The following PCTP variants were observed in gnomAD, a reference collection of about 807,000 sequenced individuals.
The protein encoded by PCTP is START domain-containing protein 2.
Under a neutral mutation model 31.0 loss-of-function variants are expected in PCTP, and 27 were observed. That is an observed-to-expected ratio of 0.87 (90% CI 0.64 to 1.20). The LOEUF (loss-of-function observed/expected upper bound fraction) is 1.20, where lower values mean the gene tolerates loss of function less well. PCTP is among the 50% of genes most tolerant of loss of function. The pLI is 0.00. For synonymous variants in PCTP, 108 were observed against 101.2 expected (o/e 1.07, Z -0.40); for missense variants, 287 against 268.2 (o/e 1.07, Z -0.49).
chr17:55,791,885 A>C (rs1449211681), intron 3 of PCTP, among the ~76,000 whole-genome samples: 1 of 152,136 alleles, frequency 6.6e-6, no homozygotes, highest in African/African-American at 2.4e-5. Flanking sequence ...TATTCACAAT[A>C]GCAAAGACTT....
chr17:55,849,023 G>A, the PCTP span, among the ~76,000 whole-genome samples: 1 of 152,058 alleles, frequency 6.6e-6, no homozygotes, highest in Non-Finnish European at 1.5e-5. Context: ...ATGTGAAGAA[G>A]CTAGAAAATA....
At chr17:55,805,192 AT>A (rs2145034463) in intron 3 of PCTP, among the ~76,000 whole-genome samples, 1 of 151,988 alleles carries the variant, frequency 6.6e-6, no homozygotes, top group East Asian at 1.9e-4. Context: ...TTATCAAACT[AT>A]TTTCCTCGTT....
At chr17:55,754,833 C>G (rs1056804937) in intron 1 of PCTP, among the ~76,000 whole-genome samples, 1 of 152,126 alleles carries the variant, frequency 6.6e-6, no homozygotes, top group African/African-American at 2.4e-5. Flanking sequence ...GGATAGAAAC[C>G]TGTGTGCGCG....
At chr17:55,751,925 G>T (rs1255593348) in intron 1 of PCTP, among the ~76,000 whole-genome samples, 1 of 152,258 alleles carries the variant, frequency 6.6e-6, no homozygotes, top group Admixed American at 6.5e-5. Context: ...CAGTTGCTTT[G>T]TGTAATAGTC....
intron 5 of PCTP, 67 bp from the exon 6 acceptor site, chr17:55,775,968 C>T (rs1465121598): frequency 1.9e-6 from 3 of 1,587,946 alleles, no homozygotes; most frequent in African/African-American, 1.4e-5. Flanking sequence ...TACCTTCTGC[C>T]ACATCCCAAA....
intron 2 of PCTP, among the ~76,000 whole-genome samples, chr17:55,782,472 C>T (rs1403101950): frequency 6.6e-6 from 1 of 152,138 alleles, no homozygotes; most frequent in East Asian, 1.9e-4. Context: ...ACAGCTTAGT[C>T]TTTGATGAGA....
At chr17:55,827,988 G>A (rs919074156), downstream of PCTP, among the ~76,000 whole-genome samples, 12 of 152,132 alleles carry the variant, frequency 7.9e-5, no homozygotes, top group African/African-American at 2.9e-4. Context: ...TGCTATTTGC[G>A]TTCAAGGGTG....
At chr17:55,798,197 A>G (rs972100631) in intron 3 of PCTP, among the ~76,000 whole-genome samples, 1 of 152,058 alleles carries the variant, frequency 6.6e-6, no homozygotes, top group Non-Finnish European at 1.5e-5. Flanking sequence ...AGAAGAATAG[A>G]AAATGTAGAA....
At chr17:55,829,533 C>A (rs1368283865) in intron 5 of PCTP, among the ~76,000 whole-genome samples, 1 of 152,160 alleles carries the variant, frequency 6.6e-6, no homozygotes, top group African/African-American at 2.4e-5. Flanking sequence ...TGATCTCAAA[C>A]TCCTCACCTC....
At chr17:55,788,991 AGCCTGGCACCTACTG>A (rs1048892388) in intron 3 of PCTP, among the ~76,000 whole-genome samples, 16 of 152,178 alleles carry the variant, frequency 1.1e-4, no homozygotes, top group Admixed American at 7.2e-4. Context: ...TCAAATTTTG[AGCCTGGCACCTACTG>A]GCTTCCTGCC....
At chr17:55,784,685 G>A (rs1193832741) in intron 2 of PCTP, among the ~76,000 whole-genome samples, 1 of 152,116 alleles carries the variant, frequency 6.6e-6, no homozygotes, top group Admixed American at 6.5e-5. Context: ...CAAATAAAAA[G>A]TAAATCCAAT....
intron 5 of PCTP, chr17:55,775,272 T>C: frequency 8.1e-7 from 1 of 1,235,670 alleles, no homozygotes; most frequent in Non-Finnish European, 1.0e-6. Context: ...TCCACTTTTG[T>C]TGTTGTTGCC....
intron 3 of PCTP, among the ~76,000 whole-genome samples, chr17:55,797,091 C>G (rs8077069): frequency 0.16 from 24,421 of 151,826 alleles, 4,703 homozygotes; most frequent in African/African-American, 0.46. Flanking sequence ...AAGAATATTT[C>G]CAATTTGAGA....
chr17:55,823,855 G>T (rs1905309723), downstream of PCTP, among the ~76,000 whole-genome samples: 1 of 152,212 alleles, frequency 6.6e-6, no homozygotes, highest in Non-Finnish European at 1.5e-5. Flanking sequence ...ATGCTCCACA[G>T]CTTCAGGCAC....
chr17:55,836,790 A>G (rs947197566), intron 5 of PCTP, among the ~76,000 whole-genome samples: 1 of 152,220 alleles, frequency 6.6e-6, no homozygotes. Context: ...GACTACATCA[A>G]TAAGAAATAA....
At chr17:55,832,073 TCAAA>T (rs985127493) in intron 5 of PCTP, among the ~76,000 whole-genome samples, 6 of 152,020 alleles carry the variant, frequency 3.9e-5, no homozygotes, top group Admixed American at 1.3e-4. Flanking sequence ...AGACTCCATC[TCAAA>T]CAAACAAACA....
chr17:55,804,219 T>A (rs1034237433), intron 3 of PCTP, among the ~76,000 whole-genome samples: 4 of 152,136 alleles, frequency 2.6e-5, no homozygotes, highest in Non-Finnish European at 5.9e-5. Context: ...AAACAACAGA[T>A]GCTGGAGGGG....
At chr17:55,831,290 T>C (rs888134724) in intron 5 of PCTP, among the ~76,000 whole-genome samples, 5 of 152,242 alleles carry the variant, frequency 3.3e-5, no homozygotes, top group Admixed American at 1.3e-4. Context: ...GGAGAGCTTA[T>C]TAGCTTGCTC....
intron 3 of PCTP, among the ~76,000 whole-genome samples, chr17:55,771,467 G>T (rs548498387): frequency 6.6e-5 from 10 of 152,276 alleles, no homozygotes; most frequent in Admixed American, 2.0e-4. Context: ...AAATTGTCAG[G>T]CCACAGAATT....
Sources: allele counts gnomAD v4.1 joint callset (sites outside exome capture counted in the v4.1 genomes callset), GRCh38; gene constraint gnomAD v4.1.1; transcripts MANE v1.5; gene names NCBI Gene and HGNC (gene_info 2026-07-23, HGNC 2026-07-21).